SPTLC1: variants seen among roughly 807,000 people sequenced by gnomAD.
SPTLC1 encodes the protein serine palmitoyltransferase long chain base subunit 1.
Under a neutral mutation model 68.9 loss-of-function variants are expected in SPTLC1, and 55 were observed. The ratio of observed to expected loss-of-function variants is 0.80; its 90% CI spans 0.64 to 1.00. The LOEUF is 1.00. Among genes scored for constraint, SPTLC1 ranks in the 50% least tolerant of loss-of-function variants. The probability of loss-of-function intolerance (pLI) is 0.00; values close to 1 mark genes in which losing one functional copy is unlikely to be tolerated. For missense variants in SPTLC1, 449 were observed against 573.1 expected, an observed-to-expected ratio of 0.78 and a Z score of 2.21; for synonymous variants, 197 against 201.6, an observed-to-expected ratio of 0.98 and a Z score of 0.19.
At chr9:92,094,841 A>G (rs1435643008) in intron 3 of SPTLC1, among the ~76,000 whole-genome samples, 2 of 152,148 alleles carry the variant, frequency 1.3e-5, no homozygotes, top group Non-Finnish European at 2.9e-5. Context: ...CAGGGCATAC[A>G]CTTCAACTGG....
intron 8 of SPTLC1, among the ~76,000 whole-genome samples, chr9:92,053,130 CAA>C (rs79512949): frequency 9.3e-5 from 13 of 140,286 alleles, no homozygotes; most frequent in East Asian, 8.1e-4. Flanking sequence ...AACAAACAAA[CAA>C]AAAAAAAAAC....
chr9:92,052,127 C>A (rs1290132712), intron 8 of SPTLC1, among the ~76,000 whole-genome samples: 2 of 152,138 alleles, frequency 1.3e-5, no homozygotes, highest in African/African-American at 4.8e-5. Flanking sequence ...CAAGAGACCC[C>A]AAATAGCTAA....
intron 3 of SPTLC1, among the ~76,000 whole-genome samples, chr9:92,095,868 C>T (rs764499593): frequency 5.9e-5 from 9 of 152,178 alleles, no homozygotes; most frequent in Non-Finnish European, 2.9e-5. Context: ...CAAACTGGGG[C>T]ACCAGCTTCC....
At chr9:92,049,463 GC>G (rs1243986407) in intron 9 of SPTLC1, among the ~76,000 whole-genome samples, 2 of 151,988 alleles carry the variant, frequency 1.3e-5, no homozygotes, top group African/African-American at 4.8e-5. Flanking sequence ...TTTGCTGAAT[GC>G]ATGCCAGTGG....
chr9:92,047,367 T>A, intron 10 of SPTLC1, 99 bp from the exon 11 acceptor site: 1 of 1,001,198 alleles, frequency 1.0e-6, no homozygotes, highest in African/African-American at 1.6e-5. Context: ...GAACAGTGTG[T>A]ACATGTGGTG....
At chr9:92,075,985 T>C (rs1359193652) in intron 5 of SPTLC1, among the ~76,000 whole-genome samples, 2 of 152,188 alleles carry the variant, frequency 1.3e-5, no homozygotes, top group African/African-American at 4.8e-5. Flanking sequence ...CAAAAACCAG[T>C]TGATTAACAC....
rs775032092 is a variant in SPTLC1, at chr9:92,059,176, T to C, written c.690+3A>G. 3.7e-6 allele frequency: 6 copies of C among 1,612,192 alleles called. No individual in the cohort carries two copies. The highest frequency in any genetic ancestry group is 1.3e-5 in the African/African-American group (1 of 74,076). On this transcript the variant is annotated splice_donor_region_variant and intron_variant, in intron 7 of 14. Transcript: ENST00000262554. Reference sequence around the variant, plus strand: ...TGTATAATTTTCTTCAAAAGAATCATACCTTTTGATCTTCGATCTCTTGTT... The same window carrying C: ...TGTATAATTTTCTTCAAAAGAATCACACCTTTTGATCTTCGATCTCTTGTT...
chr9:92,077,742 C>G (rs1834733607), intron 5 of SPTLC1, among the ~76,000 whole-genome samples: 1 of 152,182 alleles, frequency 6.6e-6, no homozygotes, highest in South Asian at 2.1e-4. Context: ...GCTTTTACTC[C>G]AGACCATTGT....
In SPTLC1 at chr9:92,103,234, G is replaced by T. The variant is rs143822872; in HGVS notation, c.260+5506C>A. Among the ~76,000 whole-genome samples, 447 of 152,260 alleles carry T rather than the reference G, an allele frequency of 2.9e-3. 3 individuals carry two copies. Among genetic ancestry groups the T allele is most frequent in the African/African-American group, 0.01 (424 of 41,546 alleles). On this transcript the variant is annotated intron_variant, in intron 3 of 14. Transcript: ENST00000262554. Reference sequence around the variant, plus strand: ...CGAGAAAGAACATCTGGGGTGAAAGGCTCCATTAGAAGAGCAATGTGGGAT... The same window carrying T: ...CGAGAAAGAACATCTGGGGTGAAAGTCTCCATTAGAAGAGCAATGTGGGAT...
chr9:92,079,509 G>C (rs1834801349), intron 5 of SPTLC1: 2 of 1,613,794 alleles, frequency 1.2e-6, no homozygotes, highest in East Asian at 4.5e-5. Flanking sequence ...CAAATATTTA[G>C]TTGGCCTGTT....
intron 3 of SPTLC1, among the ~76,000 whole-genome samples, chr9:92,083,876 T>C (rs1215296846): frequency 6.6e-6 from 1 of 152,234 alleles, no homozygotes; most frequent in Non-Finnish European, 1.5e-5. Flanking sequence ...CCCATGAGCA[T>C]GGAATGTTCT....
chr9:92,076,591 C>T (rs1396608333), intron 5 of SPTLC1, among the ~76,000 whole-genome samples: 1 of 152,194 alleles, frequency 6.6e-6, no homozygotes, highest in Non-Finnish European at 1.5e-5. Flanking sequence ...CTTTAACCCA[C>T]CTTTTAGAAC....
At chr9:92,097,566 C>A (rs75578766) in intron 3 of SPTLC1, among the ~76,000 whole-genome samples, 4 of 152,214 alleles carry the variant, frequency 2.6e-5, no homozygotes, top group Admixed American at 2.6e-4. Context: ...GTGAAAGAAC[C>A]CAGAAACAAA....
intron 7 of SPTLC1, among the ~76,000 whole-genome samples, chr9:92,058,713 G>A (rs935946819): frequency 6.6e-6 from 1 of 152,122 alleles, no homozygotes; most frequent in Non-Finnish European, 1.5e-5. Context: ...ATACAGGTGG[G>A]GTGGGGAGAA....
rs570977645 is a variant in SPTLC1, at chr9:92,108,763, A to G, written c.237T>C (p.Ala79=). Residue 79 remains alanine, a synonymous_variant, in exon 3 of 15, where the codon GCT becomes GCC. Coordinates refer to ENST00000262554, the MANE Select transcript of SPTLC1 (RefSeq NM_006415.4). ...ACCCTGAAACGATGTTGTAGTTGAG[A>G]GCAGGATGGTCTTTTGGGACAGGAG... ...LVPPVPKDHP[A]LNYNIVSGPP... is the part of the protein sequence containing the mutation. 1 of 1,606,604 alleles carries G rather than the reference A, an allele frequency of 6.2e-7. No homozygotes were observed. The highest frequency in any genetic ancestry group is 1.1e-5 in the South Asian group (1 of 90,400).
At chr9:92,049,308 T>C (rs1174533579) in intron 9 of SPTLC1, among the ~76,000 whole-genome samples, 1 of 152,230 alleles carries the variant, frequency 6.6e-6, no homozygotes, top group Admixed American at 6.5e-5. Flanking sequence ...CCATGGTGGT[T>C]GGTAAGACAG....
At chr9:92,106,337 G>T (rs1382517075) in intron 3 of SPTLC1, among the ~76,000 whole-genome samples, 4 of 152,028 alleles carry the variant, frequency 2.6e-5, no homozygotes, top group African/African-American at 9.7e-5. Context: ...AGGCAGGCAT[G>T]GTGGCTTGTG....
chr9:92,056,803 G>T (rs1833907408), intron 7 of SPTLC1, among the ~76,000 whole-genome samples: 1 of 151,612 alleles, frequency 6.6e-6, no homozygotes, highest in Non-Finnish European at 1.5e-5. Context: ...TAAAAAAAAA[G>T]TTTGTTGAGG....
chr9:92,047,979 TAAGAA>T (rs895069850), intron 9 of SPTLC1, among the ~76,000 whole-genome samples: 2 of 152,254 alleles, frequency 1.3e-5, no homozygotes, highest in African/African-American at 4.8e-5. Flanking sequence ...AAATAAATTA[TAAGAA>T]AATAAAACCC....
Sources: allele counts gnomAD v4.1 joint callset (sites outside exome capture counted in the v4.1 genomes callset), GRCh38; gene constraint gnomAD v4.1.1; transcripts MANE v1.5; gene names NCBI Gene and HGNC (gene_info 2026-07-23, HGNC 2026-07-21).